The following COL8A2 variants were observed in gnomAD, a reference collection of about 807,000 sequenced individuals.
COL8A2 encodes collagen type VIII alpha 2 chain, also known as collagen alpha-2(VIII) chain.
In COL8A2, 16 loss-of-function variants were observed where a neutral mutation model predicts 24.0. The observed-to-expected ratio is 0.67, with a 90% CI of 0.45 to 1.01. The LOEUF (loss-of-function observed/expected upper bound fraction) is 1.01. COL8A2 is among the 50% of genes least tolerant of loss of function. The pLI, the probability that COL8A2 is intolerant of heterozygous loss-of-function variation, is 0.00. For synonymous variants in COL8A2, 466 were observed against 424.5 expected (o/e 1.10, Z -1.20); for missense variants, 818 against 942.4 (o/e 0.87, Z 1.73).
chr1:36,099,045 C>G lies in COL8A2; in HGVS notation c.636G>C (p.Gln212His), dbSNP rs1485095571. ...GCCCTGGGGCCCCAGGCAGCCCGGG[C>G]TGGCCCACTCCATTATCCCCCTTGA... ...RGLKGDNGVG[Q>H]PGLPGAPGQG... Residue 212 changes from glutamine (Q) to histidine (H), a missense_variant, in exon 4 of 4, where the codon CAG (glutamine) becomes CAC (histidine). Gln to His is a conservative substitution (Grantham distance 24). This residue lies in a region of COL8A2 where 573 missense variants were observed against 616.8 expected (regional missense o/e 0.93). Coordinates refer to ENST00000397799, the MANE Select transcript of COL8A2 (RefSeq NM_005202.4). 6.5e-7 allele frequency: 1 copy of G among 1,535,804 alleles called. No individual in the cohort carries two copies. The highest frequency in any genetic ancestry group is 8.7e-7 in the Non-Finnish European group (1 of 1,144,122).
intron 2 of COL8A2, among the ~76,000 whole-genome samples, chr1:36,108,578 C>T (rs1643794265): frequency 6.6e-6 from 1 of 152,200 alleles, no homozygotes; most frequent in South Asian, 2.1e-4. Flanking sequence ...GGGATTTCCC[C>T]CCTTTTCAGC....
chr1:36,100,933 G>A (rs950699268), intron 2 of COL8A2, among the ~76,000 whole-genome samples: 5 of 105,650 alleles, frequency 4.7e-5, no homozygotes, highest in African/African-American at 1.1e-4. Flanking sequence ...AGTTTTGCTC[G>A]CCCAGTGCAA....
At chr1:36,104,652 G>A (rs1035646141) in intron 2 of COL8A2, among the ~76,000 whole-genome samples, 4 of 151,818 alleles carry the variant, frequency 2.6e-5, no homozygotes, top group East Asian at 1.9e-4. Context: ...AAAATTAGCC[G>A]GGTGTGGTGG....
At chr1:36,108,863 C>T (rs945280886) in intron 2 of COL8A2, among the ~76,000 whole-genome samples, 1 of 152,180 alleles carries the variant, frequency 6.6e-6, no homozygotes, top group Non-Finnish European at 1.5e-5. Context: ...CGAAAGAGTC[C>T]TTTCCTAGAG....
At chr1:36,118,941 C>T (rs189405960) in intron 1 of COL8A2, among the ~76,000 whole-genome samples, 1 of 152,350 alleles carries the variant, frequency 6.6e-6, no homozygotes. Flanking sequence ...CTGCATGCAT[C>T]CTTATCTCAG....
chr1:36,121,637 G>T (rs1285218145), intron 1 of COL8A2, among the ~76,000 whole-genome samples: 1 of 151,520 alleles, frequency 6.6e-6, no homozygotes, highest in Non-Finnish European at 1.5e-5. Flanking sequence ...AACCTGGGAG[G>T]TGGAGGTTGC....
At chr1:36,109,581 C>CTTTTTTTTTTTT (rs10715688) in intron 2 of COL8A2, among the ~76,000 whole-genome samples, 1 of 141,112 alleles carries the variant, frequency 7.1e-6, no homozygotes. Context: ...AGTAACCACT[C>CTTTTTTTTTTTT]TTTTTTTTTT....
intron 2 of COL8A2, among the ~76,000 whole-genome samples, chr1:36,103,044 A>C (rs1643702153): frequency 6.6e-6 from 1 of 151,942 alleles, no homozygotes; most frequent in Non-Finnish European, 1.5e-5. Flanking sequence ...TACAGTTGGC[A>C]CAATCATGGC....
Position 36,123,261 on chromosome 1 carries a change from C to G in COL8A2, c.-62+1796G>C, listed in dbSNP as rs765615773. ...CACTTCCCTGTAAGAGGTGCCCCAT[C>G]CCTGCCACTGAGAGTTCTGGAGCGG... On this transcript the variant is annotated intron_variant, in intron 1 of 3. Transcript: ENST00000397799. This position sits in a 1 kb window ranked among gnomAD's most constrained non-coding sequence, Gnocchi z 4.1. 4.4e-4 allele frequency among the ~76,000 whole-genome samples: 67 copies of G among 152,204 alleles called. No individual in the cohort carries two copies. The highest frequency in any genetic ancestry group is 1.0e-3 in the South Asian group (5 of 4,830).
rs1329483428 is a variant in COL8A2 at position 36,096,786 on chromosome 1, G to A, written c.*783C>T. 3 of 152,410 alleles carry A rather than the reference G, an allele frequency of 2.0e-5. No individual in the cohort carries two copies. The highest frequency in any genetic ancestry group is 7.2e-5 in the African/African-American group (3 of 41,464). 9.4% of individuals were successfully genotyped at this position (152,410 alleles called of 1,614,324 possible). ...AGGTTGATCTTTCTGGCCTGTAGGT[G>A]TCCCAGGGGCCTCTGTGCTGCCCTC... On this transcript the variant is annotated 3_prime_UTR_variant, in exon 4 of 4. Transcript: ENST00000397799.
chr1:36,121,565 G>A lies in COL8A2; in HGVS notation c.-62+3492C>T, dbSNP rs147331127. On this transcript the variant is annotated intron_variant, in intron 1 of 3. Coordinates refer to ENST00000397799, the MANE Select transcript of COL8A2 (RefSeq NM_005202.4). ...CTACTAAAAATACAAAAAATTAGCCGGGCATGGTGGTGGACGCCTATAATC... is the reference window on the plus strand; with the variant it reads ...CTACTAAAAATACAAAAAATTAGCCAGGCATGGTGGTGGACGCCTATAATC... Among the ~76,000 whole-genome samples, 239 of 151,362 alleles carry A rather than the reference G, an allele frequency of 1.6e-3. 3 individuals are homozygous for A. In the East Asian group the frequency reaches 0.043, roughly 27 times the overall value.
chr1:36,098,676 G>A lies in COL8A2; in HGVS notation c.1005C>T (p.Leu335=). 1 of 1,609,862 alleles carries A rather than the reference G, an allele frequency of 6.2e-7. No homozygotes were observed. The highest frequency in any genetic ancestry group is 8.5e-7 in the Non-Finnish European group (1 of 1,179,210). Residue 335 remains leucine (L), a synonymous_variant, in exon 4 of 4, where the codon CTC becomes CTT. Coordinates refer to ENST00000397799, the MANE Select transcript of COL8A2 (RefSeq NM_005202.4). ...CCCCTGGCTCACCCCTGTCCCCCAA[G>A]AGTCCTGGGACCCCAGCTGGGCCCC... is the stretch of plus-strand genomic sequence containing the variant. The part of the protein sequence containing the change: ...GDRGPAGVPG[L]LGDRGEPGED...
At chr1:36,114,183 G>A (rs1430736081) in intron 2 of COL8A2, among the ~76,000 whole-genome samples, 11 of 151,978 alleles carry the variant, frequency 7.2e-5, no homozygotes, top group Non-Finnish European at 1.2e-4. Flanking sequence ...GCTGGGCGTG[G>A]TAGAGGGCGC....
intron 2 of COL8A2, among the ~76,000 whole-genome samples, chr1:36,104,513 T>A (rs1289453583): frequency 1.4e-5 from 2 of 141,986 alleles, no homozygotes; most frequent in African/African-American, 5.3e-5. Context: ...AAATAAATAA[T>A]AAAATACAAA....
chr1:36,117,017 TG>T (rs1643882801), intron 1 of COL8A2, among the ~76,000 whole-genome samples: 1 of 152,136 alleles, frequency 6.6e-6, no homozygotes, highest in Admixed American at 6.5e-5. Flanking sequence ...CCGGGGTAGA[TG>T]GGGAGGGGAT....
At chr1:36,118,982 C>G (rs1445650630) in intron 1 of COL8A2, among the ~76,000 whole-genome samples, 1 of 152,228 alleles carries the variant, frequency 6.6e-6, no homozygotes, top group African/African-American at 2.4e-5. Context: ...AGACCTCCAC[C>G]TGGGCCTCAG....
chr1:36,120,530 A>G (rs1298355255), intron 1 of COL8A2, among the ~76,000 whole-genome samples: 1 of 151,814 alleles, frequency 6.6e-6, no homozygotes, highest in Non-Finnish European at 1.5e-5. Context: ...CGGGCAGATC[A>G]CAAGGTCAGG....
chr1:36,120,537 C>G (rs1643903700), intron 1 of COL8A2, among the ~76,000 whole-genome samples: 1 of 151,890 alleles, frequency 6.6e-6, no homozygotes, highest in Non-Finnish European at 1.5e-5. Context: ...ATCACAAGGT[C>G]AGGAGTTCGA....
At chr1:36,109,581 C>CTTT (rs10715688) in intron 2 of COL8A2, among the ~76,000 whole-genome samples, 9 of 141,112 alleles carry the variant, frequency 6.4e-5, no homozygotes, top group African/African-American at 1.0e-4. Context: ...AGTAACCACT[C>CTTT]TTTTTTTTTT....
Sources: allele counts gnomAD v4.1 joint callset (sites outside exome capture counted in the v4.1 genomes callset), GRCh38; gene constraint gnomAD v4.1.1; regional missense constraint gnomAD v4.1.1; non-coding constraint Gnocchi (gnomAD v3.1); transcripts MANE v1.5; gene names NCBI Gene and HGNC (gene_info 2026-07-23, HGNC 2026-07-21).